The following CNTNAP5 variants were observed in gnomAD, a reference collection of about 807,000 sequenced individuals.
CNTNAP5 encodes the protein contactin associated protein family member 5.
CNTNAP5 carries 72 observed loss-of-function variants against 150.2 expected under a neutral mutation model. The observed-to-expected ratio is 0.48, with a 90% CI of 0.40 to 0.58. The LOEUF (loss-of-function observed/expected upper bound fraction) is 0.58. Among genes scored for constraint, CNTNAP5 ranks in the 20% least tolerant of loss-of-function variants. The pLI is 0.00. For missense variants in CNTNAP5, 1,636 were observed against 1,626.2 expected, an observed-to-expected ratio of 1.01 and a Z score of -0.10; for synonymous variants, 672 against 619.8, an observed-to-expected ratio of 1.08 and a Z score of -1.25.
At chr2:124,867,703 A>G in intron 20 of CNTNAP5, among the ~76,000 whole-genome samples, 1 of 152,094 alleles carries the variant, frequency 6.6e-6, no homozygotes, top group East Asian at 1.9e-4. Flanking sequence ...TCTGCTTTTG[A>G]TCTACACTCA....
chr2:124,432,291 G>T (rs903894653), intron 4 of CNTNAP5, among the ~76,000 whole-genome samples: 2 of 152,168 alleles, frequency 1.3e-5, no homozygotes, highest in Non-Finnish European at 2.9e-5. Flanking sequence ...CTGGGAACTA[G>T]AGATCTTTCT....
At chr2:124,413,936 C>T (rs1485503253) in intron 3 of CNTNAP5, among the ~76,000 whole-genome samples, 2 of 151,594 alleles carry the variant, frequency 1.3e-5, no homozygotes, top group East Asian at 1.9e-4. Flanking sequence ...TAGCCTTAAC[C>T]TGTGCTTTGG....
intron 1 of CNTNAP5, among the ~76,000 whole-genome samples, chr2:124,210,386 G>A (rs1365528148): frequency 6.6e-6 from 1 of 152,032 alleles, no homozygotes; most frequent in Non-Finnish European, 1.5e-5. Context: ...AGTTCTTCAG[G>A]ATAACAAAAT....
chr2:124,405,876 T>C (rs1691558847), intron 3 of CNTNAP5, among the ~76,000 whole-genome samples: 1 of 152,244 alleles, frequency 6.6e-6, no homozygotes, highest in Non-Finnish European at 1.5e-5. Flanking sequence ...TCCAATCTAC[T>C]AATATTCTGT....
chr2:124,671,744 A>G (rs1327821195), intron 13 of CNTNAP5, among the ~76,000 whole-genome samples: 1 of 152,102 alleles, frequency 6.6e-6, no homozygotes, highest in East Asian at 1.9e-4. Flanking sequence ...GGTTCAAGTG[A>G]TTCTCTTGAT....
intron 12 of CNTNAP5, among the ~76,000 whole-genome samples, chr2:124,619,292 A>C (rs948880996): frequency 6.6e-6 from 1 of 152,158 alleles, no homozygotes; most frequent in Admixed American, 6.5e-5. Flanking sequence ...GAGACCTTGC[A>C]GGATGGGTGA....
intron 1 of CNTNAP5, among the ~76,000 whole-genome samples, chr2:124,163,703 G>T (rs969308228): frequency 6.6e-6 from 1 of 152,010 alleles, no homozygotes; most frequent in Non-Finnish European, 1.5e-5. Context: ...CAGCCCTTAA[G>T]ATTATATGCC....
At chr2:124,158,442 T>C (rs1464647968) in intron 1 of CNTNAP5, among the ~76,000 whole-genome samples, 1 of 152,196 alleles carries the variant, frequency 6.6e-6, no homozygotes, top group African/African-American at 2.4e-5. Flanking sequence ...TAGTACCTAA[T>C]ACTTGCGTAT....
intron 1 of CNTNAP5, among the ~76,000 whole-genome samples, chr2:124,150,053 AG>A (rs1309219511): frequency 6.6e-6 from 1 of 152,230 alleles, no homozygotes; most frequent in African/African-American, 2.4e-5. Flanking sequence ...GAAGTGGGAA[AG>A]CCCTTAATTC....
At chr2:124,122,957 T>G (rs772848947) in intron 1 of CNTNAP5, among the ~76,000 whole-genome samples, 1 of 152,008 alleles carries the variant, frequency 6.6e-6, no homozygotes, top group Non-Finnish European at 1.5e-5. Context: ...CAGTCCAAGA[T>G]GGCCAAATAG....
At chr2:124,284,397 G>C (rs369151861) in intron 3 of CNTNAP5, among the ~76,000 whole-genome samples, 4 of 152,154 alleles carry the variant, frequency 2.6e-5, no homozygotes, top group African/African-American at 9.6e-5. Context: ...GGCTAGGTTG[G>C]CCAGAAGCTA....
chr2:124,802,863 A>G (rs1573627306), intron 19 of CNTNAP5, among the ~76,000 whole-genome samples: 2 of 152,238 alleles, frequency 1.3e-5, no homozygotes, highest in South Asian at 4.1e-4. Context: ...GGTGGCTCAC[A>G]CCTGTAATCC....
chr2:124,454,364 A>G (rs1174709191), intron 6 of CNTNAP5, among the ~76,000 whole-genome samples: 1 of 152,196 alleles, frequency 6.6e-6, no homozygotes, highest in African/African-American at 2.4e-5. Flanking sequence ...AGTCATAAAT[A>G]TATATGCACC....
At chr2:124,720,389 G>C (rs1044122740) in intron 13 of CNTNAP5, among the ~76,000 whole-genome samples, 2 of 152,042 alleles carry the variant, frequency 1.3e-5, no homozygotes, top group Admixed American at 1.3e-4. Context: ...CTTTTTCCCA[G>C]TTGAAGCTGT....
intron 4 of CNTNAP5, among the ~76,000 whole-genome samples, chr2:124,419,163 A>C (rs1384822892): frequency 7.6e-6 from 1 of 131,292 alleles, no homozygotes. Context: ...AAAAAAAAAA[A>C]CAGTATGAAG....
intron 1 of CNTNAP5, among the ~76,000 whole-genome samples, chr2:124,104,594 T>A (rs1435576714): frequency 6.6e-6 from 1 of 152,194 alleles, no homozygotes; most frequent in African/African-American, 2.4e-5. Context: ...CCAATGAACA[T>A]TTTTTAGTCC....
At chr2:124,370,454 C>T (rs1183767957) in intron 3 of CNTNAP5, among the ~76,000 whole-genome samples, 2 of 152,080 alleles carry the variant, frequency 1.3e-5, no homozygotes, top group Non-Finnish European at 2.9e-5. Context: ...CTACTAGCCT[C>T]TTCTCAGAGT....
chr2:124,461,398 A>G (rs1693247245), intron 6 of CNTNAP5, among the ~76,000 whole-genome samples: 1 of 151,722 alleles, frequency 6.6e-6, no homozygotes, highest in Non-Finnish European at 1.5e-5. Flanking sequence ...GAAATTGGAA[A>G]TCATCATTCT....
At chr2:124,209,217 G>A (rs184731975) in intron 1 of CNTNAP5, among the ~76,000 whole-genome samples, 13 of 152,152 alleles carry the variant, frequency 8.5e-5, no homozygotes, top group African/African-American at 1.7e-4. Context: ...CAACTTGTTC[G>A]GAGTTTTGAC....
Sources: gnomAD v4.1 joint callset for allele counts (sites outside exome capture counted in the v4.1 genomes callset) on GRCh38, gnomAD v4.1.1 for gene constraint, MANE v1.5 for transcripts, NCBI Gene and HGNC (gene_info 2026-07-23, HGNC 2026-07-21) for gene names.